The following KCNV2 variants were observed in gnomAD, a reference collection of about 807,000 sequenced individuals.
KCNV2 encodes potassium voltage-gated channel modifier subfamily V member 2.
KCNV2 carries 65 observed loss-of-function variants against 37.0 expected under a neutral mutation model. That is an observed-to-expected ratio of 1.76 (90% CI 1.44 to 2.16). The LOEUF (loss-of-function observed/expected upper bound fraction) is 2.16, where lower values mean the gene tolerates loss of function less well. KCNV2 is among the 30% of genes most tolerant of loss of function. KCNV2 has a pLI of 0.00. For synonymous variants in KCNV2, 518 were observed against 328.6 expected, an observed-to-expected ratio of 1.58 and a Z score of -6.23; for missense variants, 1,232 against 766.7, an observed-to-expected ratio of 1.61 and a Z score of -7.17.
At position 2,727,985 on chromosome 9, in the gene KCNV2, C is replaced by T. The variant is rs535135092; in HGVS notation, c.1357-1461C>T. Among the ~76,000 whole-genome samples, 23 of 152,266 alleles carry T rather than the reference C, an allele frequency of 1.5e-4. No homozygotes were observed. In the South Asian group the frequency reaches 1.7e-3, roughly 11 times the overall value. ...TCTGCAGAAAAAGGCTGCATGACCT[C>T]TCACAAGAGACAGGGCAGTGAGTGA... On this transcript the variant is annotated intron_variant, in intron 1 of 1. Transcript: ENST00000382082.
rs200484374 is a variant in KCNV2, at chr9:2,729,699, C to T, written c.1610C>T (p.Pro537Leu). ...KIAECLLGSN[P>L]QLTPRQEN Reference sequence around the variant, plus strand: ...GCTGAGTGTTTGCTTGGAAGCAACCCACAGCTCACCCCAAGACAAGAGAAT... The same window carrying T: ...GCTGAGTGTTTGCTTGGAAGCAACCTACAGCTCACCCCAAGACAAGAGAAT... Residue 537 changes from proline to leucine, a missense_variant, in exon 2 of 2, where the codon CCA becomes CTA. By Grantham distance (98) the Pro-to-Leu change is moderately conservative (BLOSUM62 -3). Transcript: ENST00000382082. 4.5e-5 allele frequency: 72 copies of T among 1,614,006 alleles called. No individual in the cohort carries two copies. The highest frequency in any genetic ancestry group is 5.3e-5 in the Non-Finnish European group (63 of 1,179,974).
Position 2,718,045 on chromosome 9 carries a change from C to T in KCNV2, c.306C>T (p.Asn102=). The T allele has an allele frequency of 6.2e-7, 1 of 1,610,056 alleles. No individual in the cohort carries two copies. Among genetic ancestry groups the T allele is most frequent in the South Asian group, 1.1e-5 (1 of 90,618 alleles). ...CCCTGCTGTCCACGCTGAATGTGAA[C>T]GTGGGTGGCCACAGCTACCAGCTGG... is the stretch of plus-strand genomic sequence containing the variant. The part of the protein sequence containing the change: ...PPALLSTLNV[N]VGGHSYQLDY... The change falls in exon 1 of 2, where the codon AAC becomes AAT. Residue 102 remains asparagine, a synonymous_variant. Coordinates refer to ENST00000382082, the MANE Select transcript of KCNV2 (RefSeq NM_133497.4).
At position 2,724,456 on chromosome 9, in the gene KCNV2, G is replaced by GA. The variant is rs371625064; in HGVS notation, c.1357-4982dup. On this transcript the variant is annotated intron_variant, in intron 1 of 1. Transcript: ENST00000382082. ...GATAGTTGTTAGAAGACTAGAAGAA[G>GA]AAAAAAAAGAAGACTGGAAAAGCAG... Among the ~76,000 whole-genome samples the GA allele has an allele frequency of 5.9e-5, 9 of 151,928 alleles. No individual in the cohort carries two copies. In the South Asian group the frequency reaches 1.7e-3, roughly 28 times the overall value.
chr9:2,729,168 G>C (rs1490172515), intron 1 of KCNV2, among the ~76,000 whole-genome samples: 3 of 152,104 alleles, frequency 2.0e-5, no homozygotes, highest in Non-Finnish European at 4.4e-5. Flanking sequence ...TTTCAAGTAG[G>C]TATTACCTCC....
intron 1 of KCNV2, among the ~76,000 whole-genome samples, chr9:2,722,388 A>AGTT (rs1819892058): frequency 7.7e-6 from 1 of 130,626 alleles, no homozygotes; most frequent in Admixed American, 7.8e-5. Context: ...TTTATAAATA[A>AGTT]ATTAGAAGTT....
chr9:2,729,279 G>T (rs910723629), intron 1 of KCNV2, among the ~76,000 whole-genome samples, 167 bp from the exon 2 acceptor site: 1 of 152,098 alleles, frequency 6.6e-6, no homozygotes, highest in Non-Finnish European at 1.5e-5. Context: ...CATGACACAG[G>T]TCCTAGAGGG....
Position 2,718,272 on chromosome 9 carries a change from C to T in KCNV2, c.533C>T (p.Pro178Leu), listed in dbSNP as rs144949136. 1.6e-5 allele frequency: 26 copies of T among 1,612,068 alleles called. No homozygotes were observed. The highest frequency in any genetic ancestry group is 2.2e-5 in the Non-Finnish European group (26 of 1,179,874). The change falls in exon 1 of 2, where the codon CCG becomes CTG. Residue 178 changes from proline (P) to leucine (L), a missense_variant. Pro to Leu is a moderately conservative substitution (Grantham distance 98, BLOSUM62 -3). Transcript: ENST00000382082. Reference sequence around the variant, plus strand: ...CTGCTGGTGCTCGACGGGCTGTGTCCGCGCCGCTTCCTGGAGGAGCTGGGC... The same window carrying T: ...CTGCTGGTGCTCGACGGGCTGTGTCTGCGCCGCTTCCTGGAGGAGCTGGGC... Reference protein sequence around the residue: ...GVLLVLDGLCPRRFLEELGYW... With the variant: ...GVLLVLDGLCLRRFLEELGYW...
chr9:2,718,111 T>C lies in KCNV2; in HGVS notation c.372T>C (p.Gly124=). 6.2e-7 allele frequency: 1 copy of C among 1,600,276 alleles called. No homozygotes were observed. The highest frequency in any genetic ancestry group is 8.5e-7 in the Non-Finnish European group (1 of 1,173,764). ...CCGGCTTCCCCAAGACGCGCCTAGG[T>C]CGCCTGGCCACCTCCACCAGCCGCA... The part of the protein sequence containing the change: ...ELAGFPKTRL[G]RLATSTSRSR... Residue 124 remains glycine, a synonymous_variant, in exon 1 of 2, where the codon GGT becomes GGC. Transcript: ENST00000382082.
chr9:2,727,309 G>T lies in KCNV2; in HGVS notation c.1357-2137G>T, dbSNP rs905000564. Reference sequence around the variant, plus strand: ...TGGGGTGGGGGAGGGGGGAGGGGTAGCATTTGGAGATATACCTAACGTTAA... The same window carrying T: ...TGGGGTGGGGGAGGGGGGAGGGGTATCATTTGGAGATATACCTAACGTTAA... On this transcript the variant is annotated intron_variant, in intron 1 of 1. Transcript: ENST00000382082. Among the ~76,000 whole-genome samples the T allele has an allele frequency of 4.0e-5, 6 of 151,818 alleles. 1 individual carries two copies. Among genetic ancestry groups the T allele is most frequent in the Admixed American group, 3.9e-4 (6 of 15,258 alleles).
chr9:2,722,405 A>C (rs961668318), intron 1 of KCNV2, among the ~76,000 whole-genome samples: 1 of 140,170 alleles, frequency 7.1e-6, no homozygotes, highest in Non-Finnish European at 1.5e-5. Flanking sequence ...AGTTATTTAT[A>C]AATAAGTTAT....
At position 2,722,296 on chromosome 9, in the gene KCNV2, TATAAATTAGAAGTTATTTATAA is replaced by T. The variant is rs1563797872; in HGVS notation, c.1356+3294_1356+3315del. The stretch of plus-strand genomic sequence containing the variant: ...ATTTATTTACAAATTAGAAGTTATT[TATAAATTAGAAGTTATTTATAA>T]ATAAATTAGAAGTTATTTATAAATA... On this transcript the variant is annotated intron_variant, in intron 1 of 1. Transcript: ENST00000382082. Among the ~76,000 whole-genome samples the T allele has an allele frequency of 1.4e-3, 175 of 121,974 alleles. 5 individuals are homozygous for T. Among genetic ancestry groups the T allele is most frequent in the Middle Eastern group, 5.1e-3 (1 of 196 alleles). The allele number at this position is 121,974 out of a possible 152,430, so 80.0% of individuals were successfully genotyped here. A position where few individuals can be genotyped will look rare whatever the true frequency, so the allele number is the denominator to read the frequency against.
chr9:2,722,757 G>A (rs12352104), intron 1 of KCNV2, among the ~76,000 whole-genome samples: 8,156 of 152,136 alleles, frequency 0.054, 750 homozygotes, highest in African/African-American at 0.19. Context: ...TCTGATTTCA[G>A]CTAGAAGGTT....
intron 1 of KCNV2, among the ~76,000 whole-genome samples, chr9:2,724,742 A>G (rs573575044): frequency 6.6e-5 from 10 of 152,370 alleles, no homozygotes; most frequent in Non-Finnish European, 1.5e-4. Flanking sequence ...AGAGACCCTT[A>G]TGTCCTCATA....
In KCNV2 at chr9:2,718,916, C is replaced by A. The variant is rs202139237; in HGVS notation, c.1177C>A (p.His393Asn). ...CTTCCGCATCCTCAAGCTGGCGCGC[C>A]ACTCCACCGGACTGCGTGCCTTCGG... Reference protein sequence around the residue: ...RIFRILKLARHSTGLRAFGFT... With the variant: ...RIFRILKLARNSTGLRAFGFT... The change falls in exon 1 of 2, where the codon CAC becomes AAC. Residue 393 changes from histidine to asparagine, a missense_variant. By Grantham distance (68) the His-to-Asn change is moderately conservative. Transcript: ENST00000382082. 12 of 1,609,168 alleles carry A rather than the reference C, an allele frequency of 7.5e-6. No homozygotes were observed. The African/African-American group carries it at 1.1e-4, about 14-fold the overall frequency.
intron 1 of KCNV2, among the ~76,000 whole-genome samples, chr9:2,719,419 G>A (rs1173401134): frequency 6.6e-6 from 1 of 152,068 alleles, no homozygotes; most frequent in African/African-American, 2.4e-5. Flanking sequence ...CCAGTGTCCT[G>A]ACAAAGCTTA....
At chr9:2,722,322 A>T (rs1359734674) in intron 1 of KCNV2, among the ~76,000 whole-genome samples, 3 of 139,582 alleles carry the variant, frequency 2.1e-5, no homozygotes, top group Non-Finnish European at 4.6e-5. Flanking sequence ...TTTATAAATA[A>T]ATTAGAAGTT....
intron 1 of KCNV2, among the ~76,000 whole-genome samples, chr9:2,726,357 C>A (rs1819967591): frequency 6.6e-6 from 1 of 152,086 alleles, no homozygotes; most frequent in Non-Finnish European, 1.5e-5. Context: ...AGCCTCCTAG[C>A]AGAAGAGATC....
In KCNV2 at chr9:2,717,784, C is replaced by T. The variant is rs772927196; in HGVS notation, c.45C>T (p.Pro15=). The change falls in exon 1 of 2, where the codon CCC becomes CCT. Residue 15 remains proline (P), a synonymous_variant. Coordinates refer to ENST00000382082, the MANE Select transcript of KCNV2 (RefSeq NM_133497.4). ...SERRRSWSYR[P]WNTTENEGSQ... is the part of the protein sequence containing the mutation. ...GGAGACGGTCCTGGAGCTACAGGCCCTGGAACACGACGGAGAATGAGGGCA... is the reference window on the plus strand; with the variant it reads ...GGAGACGGTCCTGGAGCTACAGGCCTTGGAACACGACGGAGAATGAGGGCA... 3.1e-6 allele frequency: 5 copies of T among 1,614,212 alleles called. No homozygotes were observed. Among genetic ancestry groups the T allele is most frequent in the Non-Finnish European group, 4.2e-6 (5 of 1,180,034 alleles).
Position 2,718,584 on chromosome 9 carries a change from TGGA to T in KCNV2, c.850_852del (p.Glu284del). On this transcript the variant is annotated inframe_deletion, in exon 1 of 2. Transcript: ENST00000382082. ...GTGGTGGCGCTGGCGCTCAACACCG[TGGA>T]GGAGATGCAGCAGCACTCGGGGCAG... 1 of 1,612,868 alleles carries T rather than the reference TGGA, an allele frequency of 6.2e-7. No homozygotes were observed. The highest frequency in any genetic ancestry group is 8.5e-7 in the Non-Finnish European group (1 of 1,179,764).
Sources: allele counts gnomAD v4.1 joint callset (sites outside exome capture counted in the v4.1 genomes callset), GRCh38; gene constraint gnomAD v4.1.1; transcripts MANE v1.5; gene names NCBI Gene and HGNC (gene_info 2026-07-23, HGNC 2026-07-21).